Variants in VASP observed in about 807,000 individuals in gnomAD.
VASP encodes the protein vasodilator-stimulated phosphoprotein.
In VASP, 27 loss-of-function variants were observed where a neutral mutation model predicts 54.4. The ratio of observed to expected loss-of-function variants is 0.50; its 90% confidence interval spans 0.37 to 0.68. The LOEUF (loss-of-function observed/expected upper bound fraction) is 0.68, where lower values mean the gene tolerates loss of function less well. Among genes scored for constraint, VASP ranks in the 30% least tolerant of loss-of-function variants. The pLI is 0.00. For missense variants in VASP, 488 were observed against 528.3 expected (o/e 0.92, Z 0.75); for synonymous variants, 233 against 209.8 (o/e 1.11, Z -0.96).
intron 1 of VASP, among the ~76,000 whole-genome samples, chr19:45,510,226 GT>G (rs1469253616): frequency 8.8e-6 from 1 of 113,208 alleles, no homozygotes; most frequent in African/African-American, 3.2e-5. Context: ...TTTTTTGTTG[GT>G]TTGTTTGTTT....
chr19:45,521,252 G>A (rs1968825197), intron 3 of VASP, 70 bp from the exon 4 acceptor site: 3 of 1,448,370 alleles, frequency 2.1e-6, no homozygotes, highest in South Asian at 1.2e-5. Context: ...GCCTGGGAGA[G>A]CAAGGGAAGC....
At chr19:45,520,065 C>CT in intron 3 of VASP, among the ~76,000 whole-genome samples, 1 of 151,742 alleles carries the variant, frequency 6.6e-6, no homozygotes, top group African/African-American at 2.4e-5. Context: ...ACATGCCTGT[C>CT]TAATTTTTGT....
intron 10 of VASP, 97 bp downstream of exon 10, chr19:45,524,239 C>A: frequency 7.1e-7 from 1 of 1,410,842 alleles, no homozygotes; most frequent in South Asian, 1.2e-5. Context: ...GGCGACACCC[C>A]ATCTCTACAA....
chr19:45,524,631 G>A lies in VASP; in HGVS notation c.1018G>A (p.Asp340Asn). Residue 340 changes from aspartate (D) to asparagine (N), a missense_variant, in exon 11 of 13, where the codon GAT becomes AAT. Physicochemically the swap from Asp to Asn is conservative, Grantham distance 23. This residue lies in a region of VASP where 126 missense variants were observed against 134.8 expected (regional missense o/e 0.94). Coordinates refer to ENST00000245932, the MANE Select transcript of VASP (RefSeq NM_003370.4). Reference sequence around the variant, plus strand: ...CCAACCCTGCACGCCCAGCTCCAGTGATTACTCGGACCTACAGAGGGTGAA... The same window carrying A: ...CCAACCCTGCACGCCCAGCTCCAGTAATTACTCGGACCTACAGAGGGTGAA... ...ETQPCTPSSSDYSDLQRVKQE... is the reference protein window; with the variant it reads ...ETQPCTPSSSNYSDLQRVKQE... 1 of 1,613,898 alleles carries A rather than the reference G, an allele frequency of 6.2e-7. No individual in the cohort carries two copies. Among genetic ancestry groups the A allele is most frequent in the Admixed American group, 1.7e-5 (1 of 60,004 alleles).
rs1968977004 is a variant in VASP at position 45,526,617 on chromosome 19, T to C, written c.*440T>C. The C allele has an allele frequency of 6.5e-6, 1 of 152,870 alleles. No individual in the cohort carries two copies. Among genetic ancestry groups the C allele is most frequent in the South Asian group, 2.0e-4 (1 of 4,902 alleles). 9.5% of individuals were successfully genotyped at this position (152,870 alleles called of 1,614,324 possible). ...GGGAAATTTTTTTTTCTCTTTGGTT[T>C]TGATAAAATGGGATGTGGGAGTTTT... On this transcript the variant is annotated 3_prime_UTR_variant, in exon 13 of 13. Coordinates refer to ENST00000245932, the MANE Select transcript of VASP (RefSeq NM_003370.4).
At chr19:45,510,462 G>T (rs1205232085) in intron 1 of VASP, among the ~76,000 whole-genome samples, 7 of 152,024 alleles carry the variant, frequency 4.6e-5, no homozygotes, top group Non-Finnish European at 8.8e-5. Context: ...TTAACCTCAG[G>T]TGATCCACCC....
In VASP at chr19:45,517,685, C is replaced by T. The variant is rs747928083; in HGVS notation, c.28C>T (p.Arg10Trp). 1.1e-5 allele frequency: 17 copies of T among 1,610,536 alleles called. No individual in the cohort carries two copies. Among genetic ancestry groups the T allele is most frequent in the Middle Eastern group, 1.6e-4 (1 of 6,062 alleles). Residue 10 changes from arginine to tryptophan, a missense_variant, in exon 2 of 13, where the codon CGG becomes TGG. Arg to Trp is a moderately radical substitution (Grantham distance 101). Transcript: ENST00000245932. MSETVICSS[R>W]ATVMLYDDGN... ...CAGCGAGACGGTCATCTGTTCCAGC[C>T]GGGCCACTGTGATGCTTTATGATGA... is the stretch of plus-strand genomic sequence containing the variant.
chr19:45,507,788 C>T lies in VASP; in HGVS notation c.5+12C>T, dbSNP rs2122269897. 6.8e-7 allele frequency: 1 copy of T among 1,461,368 alleles called. No homozygotes were observed. The highest frequency in any genetic ancestry group is 2.9e-5 in the East Asian group (1 of 34,398). The allele number at this position is 1,461,368 out of a possible 1,614,324, so 90.5% of individuals were successfully genotyped here. On this transcript the variant is annotated intron_variant, in intron 1 of 12. Transcript: ENST00000245932. The surrounding 1 kb of genome is among the most constrained non-coding windows in gnomAD (Gnocchi z 4.4). ...CGAGCAGCCATGAGGTGAGCCGGAC[C>T]TGCCCCCCGACCCGTCCCCGCCCGG...
rs11551195 is a variant in VASP at position 45,507,670 on chromosome 19, C to G, written c.-102C>G. On this transcript the variant is annotated 5_prime_UTR_variant, in exon 1 of 13. Transcript: ENST00000245932. This position sits in a 1 kb window ranked among gnomAD's most constrained non-coding sequence, Gnocchi z 4.4. Reference sequence around the variant, plus strand: ...TCTATGGGGCGGGACCCTGGGGGAGCCTGAGCCGAGCCCGGAGCCAGCCCC... The same window carrying G: ...TCTATGGGGCGGGACCCTGGGGGAGGCTGAGCCGAGCCCGGAGCCAGCCCC... 9.6e-6 allele frequency: 14 copies of G among 1,453,398 alleles called. No homozygotes were observed. The highest frequency in any genetic ancestry group is 1.3e-5 in the Non-Finnish European group (14 of 1,084,606). 90.0% of individuals were successfully genotyped at this position (1,453,398 alleles called of 1,614,324 possible).
intron 1 of VASP, among the ~76,000 whole-genome samples, chr19:45,515,103 G>A (rs1031208850): frequency 7.2e-5 from 11 of 152,136 alleles, no homozygotes; most frequent in African/African-American, 2.4e-4. Context: ...TAAATTTGAG[G>A]GTCCCTACCC....
chr19:45,524,609 A>G lies in VASP; in HGVS notation c.996A>G (p.Gln332=), dbSNP rs1968919149. The stretch of plus-strand genomic sequence containing the variant: ...CTTCGGTGACCACTTCCGAGACCCA[A>G]CCCTGCACGCCCAGCTCCAGTGATT... ...SSSSVTTSET[Q]PCTPSSSDYS... is the part of the protein sequence containing the mutation. Residue 332 remains glutamine (Q), a synonymous_variant, in exon 11 of 13, where the codon CAA becomes CAG. Transcript: ENST00000245932. 1 of 1,613,724 alleles carries G rather than the reference A, an allele frequency of 6.2e-7. No individual in the cohort carries two copies. Among genetic ancestry groups the G allele is most frequent in the African/African-American group, 1.3e-5 (1 of 74,820 alleles).
Position 45,507,670 on chromosome 19 carries a change from C to A in VASP, c.-102C>A, listed in dbSNP as rs11551195. The A allele has an allele frequency of 3.9e-5, 57 of 1,453,396 alleles. No homozygotes were observed. Among genetic ancestry groups the A allele is most frequent in the Non-Finnish European group, 5.0e-5 (54 of 1,084,606 alleles). 90.0% of individuals were successfully genotyped at this position (1,453,396 alleles called of 1,614,324 possible). A position where few individuals can be genotyped will look rare whatever the true frequency, so the allele number is the denominator to read the frequency against. On this transcript the variant is annotated 5_prime_UTR_variant, in exon 1 of 13. Coordinates refer to ENST00000245932, the MANE Select transcript of VASP (RefSeq NM_003370.4). This position sits in a 1 kb window ranked among gnomAD's most constrained non-coding sequence, Gnocchi z 4.4. ...TCTATGGGGCGGGACCCTGGGGGAG[C>A]CTGAGCCGAGCCCGGAGCCAGCCCC...
intron 1 of VASP, among the ~76,000 whole-genome samples, chr19:45,513,971 T>G (rs1014649925): frequency 1.3e-5 from 2 of 152,224 alleles, no homozygotes; most frequent in Non-Finnish European, 2.9e-5. Flanking sequence ...GGACACAAAT[T>G]TCTGCCTTTT....
intron 1 of VASP, among the ~76,000 whole-genome samples, chr19:45,516,471 G>A (rs1380276188): frequency 1.3e-5 from 2 of 152,118 alleles, no homozygotes; most frequent in Non-Finnish European, 2.9e-5. Flanking sequence ...TGGTGGAGGG[G>A]GGTGCGTAGA....
intron 1 of VASP, among the ~76,000 whole-genome samples, chr19:45,514,334 C>G (rs1488906329): frequency 6.6e-6 from 1 of 152,038 alleles, no homozygotes; most frequent in East Asian, 1.9e-4. Context: ...TCCGTAGGAG[C>G]CTGGAGCCTT....
intron 1 of VASP, among the ~76,000 whole-genome samples, chr19:45,517,332 C>G (rs903725581): frequency 6.6e-6 from 1 of 151,786 alleles, no homozygotes. Context: ...CCTCCAGGTC[C>G]CCTGTCTGCC....
chr19:45,509,536 C>CCACCAG (rs1387311626), intron 1 of VASP, among the ~76,000 whole-genome samples: 1 of 151,256 alleles, frequency 6.6e-6, no homozygotes, highest in Non-Finnish European at 1.5e-5. Flanking sequence ...ACCACCACCA[C>CCACCAG]CAGCACCAGC....
rs751168217 is a variant in VASP, at chr19:45,523,992, T to A, written c.911-105T>A. ...GCGAATGGTGCTGGGGATTGTAGTCTCCTGAGATGGGGCTTTGATCAGGGG... is the reference window on the plus strand; with the variant it reads ...GCGAATGGTGCTGGGGATTGTAGTCACCTGAGATGGGGCTTTGATCAGGGG... On this transcript the variant is annotated intron_variant, in intron 9 of 12. Transcript: ENST00000245932. 3.7e-5 allele frequency: 59 copies of A among 1,609,706 alleles called. No individual in the cohort carries two copies. The East Asian group carries it at 1.2e-3, about 32-fold the overall frequency.
At chr19:45,508,886 C>T (rs1209062713) in intron 1 of VASP, among the ~76,000 whole-genome samples, 2 of 152,182 alleles carry the variant, frequency 1.3e-5, no homozygotes, top group East Asian at 1.9e-4. Flanking sequence ...CACCTGAGGG[C>T]GGGGCCAGTG....
Sources: gnomAD v4.1 joint callset for allele counts (sites outside exome capture counted in the v4.1 genomes callset) on GRCh38, gnomAD v4.1.1 for gene constraint, gnomAD v4.1.1 regional missense constraint, Gnocchi (gnomAD v3.1) non-coding constraint, MANE v1.5 for transcripts, NCBI Gene and HGNC (gene_info 2026-07-23, HGNC 2026-07-21) for gene names.